SMARCC1: variants seen among roughly 807,000 people sequenced by gnomAD.
SMARCC1 encodes the protein SWI/SNF related BAF chromatin remodeling complex subunit C1, also known as SWI/SNF complex subunit SMARCC1.
A neutral mutation model predicts 147.4 loss-of-function variants in SMARCC1; 43 were observed. The ratio of observed to expected loss-of-function variants is 0.29; its 90% CI spans 0.23 to 0.38. The LOEUF is 0.38. SMARCC1 is among the 10% of genes least tolerant of loss of function. The pLI is 1.00. For synonymous variants in SMARCC1, 495 were observed against 484.4 expected (o/e 1.02, Z -0.29); for missense variants, 1,119 against 1,381.1 (o/e 0.81, Z 3.01).
intron 24 of SMARCC1, among the ~76,000 whole-genome samples, chr3:47,634,567 AC>A (rs1372674513): frequency 6.6e-6 from 1 of 152,242 alleles, no homozygotes; most frequent in Non-Finnish European, 1.5e-5. Flanking sequence ...AGAATGAAGA[AC>A]AGGGGAAAAG....
chr3:47,723,383 C>CA (rs2034258940), intron 6 of SMARCC1, among the ~76,000 whole-genome samples: 1 of 99,512 alleles, frequency 1.0e-5, no homozygotes, highest in Admixed American at 1.5e-4. Flanking sequence ...TTTTTTGAGA[C>CA]AGAGTCTCAC....
intron 16 of SMARCC1, among the ~76,000 whole-genome samples, chr3:47,677,278 T>C (rs1485353672): frequency 6.6e-6 from 1 of 152,036 alleles, no homozygotes; most frequent in African/African-American, 2.4e-5. Flanking sequence ...TTTTTGTATT[T>C]TTAGTAGAAA....
intron 19 of SMARCC1, chr3:47,663,701 A>G: frequency 6.7e-7 from 1 of 1,490,002 alleles, no homozygotes. Flanking sequence ...CACTGTTTAC[A>G]GGAATCCAGA....
intron 5 of SMARCC1, among the ~76,000 whole-genome samples, chr3:47,731,286 G>A (rs574939460): frequency 5.9e-5 from 9 of 152,234 alleles, no homozygotes; most frequent in Admixed American, 6.5e-5. Flanking sequence ...ATGAGATCGC[G>A]GCAATTCAGT....
chr3:47,691,379 C>T (rs370475135), intron 12 of SMARCC1, among the ~76,000 whole-genome samples: 1 of 151,034 alleles, frequency 6.6e-6, no homozygotes, highest in East Asian at 2.0e-4. Flanking sequence ...TCTGGGAGGC[C>T]GAGGTGGGTG....
intron 6 of SMARCC1, 43 bp downstream of exon 6, chr3:47,728,982 A>G: frequency 8.3e-7 from 1 of 1,199,922 alleles, no homozygotes; most frequent in Non-Finnish European, 1.2e-6. Context: ...TCCATTTGGT[A>G]TGATGTATGA....
At chr3:47,612,789 C>A (rs2032581820) in intron 25 of SMARCC1, among the ~76,000 whole-genome samples, 1 of 152,002 alleles carries the variant, frequency 6.6e-6, no homozygotes, top group Admixed American at 6.6e-5. Context: ...CATACATAAA[C>A]CTGAAAGAGA....
chr3:47,752,895 T>G (rs1018386968), intron 2 of SMARCC1, among the ~76,000 whole-genome samples: 1 of 152,200 alleles, frequency 6.6e-6, no homozygotes, highest in Non-Finnish European at 1.5e-5. Context: ...AGGCTGCCTC[T>G]ACTCTCAACT....
intron 16 of SMARCC1, among the ~76,000 whole-genome samples, chr3:47,677,317 T>C (rs926571490): frequency 9.3e-5 from 14 of 151,296 alleles, no homozygotes; most frequent in African/African-American, 3.4e-4. Flanking sequence ...GCCAGACTGG[T>C]CTCGAACTCC....
intron 14 of SMARCC1, among the ~76,000 whole-genome samples, chr3:47,681,612 G>C (rs1429526294): frequency 6.6e-6 from 1 of 152,084 alleles, no homozygotes; most frequent in Non-Finnish European, 1.5e-5. Flanking sequence ...TTAAGTAGTG[G>C]TTGCACGGCA....
Position 47,643,008 on chromosome 3 carries a change from T to C in SMARCC1, c.2321-4228A>G, listed in dbSNP as rs556821929. 5.9e-5 allele frequency among the ~76,000 whole-genome samples: 9 copies of C among 152,288 alleles called. No homozygotes were observed. The South Asian group carries it at 1.9e-3, about 32-fold the overall frequency. On this transcript the variant is annotated intron_variant, in intron 21 of 27. Coordinates refer to ENST00000254480, the MANE Select transcript of SMARCC1 (RefSeq NM_003074.4). The stretch of plus-strand genomic sequence containing the variant: ...CTGCAGAGAGCTTTGATCACACCAC[T>C]GTACTTCAGTTTAGGTGGCAGAGCG...
At chr3:47,753,410 T>C (rs879811859) in intron 2 of SMARCC1, among the ~76,000 whole-genome samples, 6 of 151,344 alleles carry the variant, frequency 4.0e-5, no homozygotes, top group Non-Finnish European at 5.9e-5. Flanking sequence ...TATTCCTTTA[T>C]TTATTCATAA....
At chr3:47,664,571 T>C (rs1188088972) in intron 19 of SMARCC1, among the ~76,000 whole-genome samples, 5 of 151,802 alleles carry the variant, frequency 3.3e-5, no homozygotes, top group African/African-American at 1.2e-4. Flanking sequence ...GATAGAACAG[T>C]AGAAAGAAAA....
intron 2 of SMARCC1, among the ~76,000 whole-genome samples, chr3:47,756,674 T>A (rs2034702416): frequency 6.6e-6 from 1 of 152,202 alleles, no homozygotes; most frequent in African/African-American, 2.4e-5. Context: ...CCACTCTTGT[T>A]TTTGTAAAGT....
intron 3 of SMARCC1, among the ~76,000 whole-genome samples, chr3:47,745,189 G>T (rs2034551881): frequency 1.3e-5 from 2 of 152,060 alleles, no homozygotes; most frequent in African/African-American, 4.8e-5. Context: ...AGAATCACTG[G>T]AAGGTTGCAG....
rs138064348 is a variant in SMARCC1, at chr3:47,631,768, T to C, written c.2646+3422A>G. Among the ~76,000 whole-genome samples, 942 of 152,306 alleles carry C rather than the reference T, an allele frequency of 6.2e-3. 6 individuals carry two copies. Among genetic ancestry groups the C allele is most frequent in the Middle Eastern group, 0.01 (3 of 294 alleles). On this transcript the variant is annotated intron_variant, in intron 24 of 27. Transcript: ENST00000254480. Reference sequence around the variant, plus strand: ...AAACTTTTAATAACAAAGCTGTTTATAGACACAGAAGAAAATGAGAATAAG... The same window carrying C: ...AAACTTTTAATAACAAAGCTGTTTACAGACACAGAAGAAAATGAGAATAAG...
chr3:47,595,137 A>G (rs2032250879), intron 26 of SMARCC1, among the ~76,000 whole-genome samples: 1 of 152,210 alleles, frequency 6.6e-6, no homozygotes, highest in Non-Finnish European at 1.5e-5. Context: ...TGGATGGACC[A>G]CACAGCCTGA....
At chr3:47,772,735 G>T in intron 2 of SMARCC1, 82 bp downstream of exon 2, 1 of 1,241,240 alleles carries the variant, frequency 8.1e-7, no homozygotes, top group Non-Finnish European at 1.1e-6. Flanking sequence ...GCTAGCAGCA[G>T]CAAAGGAAAA....
At chr3:47,629,606 G>A (rs1667615208) in intron 24 of SMARCC1, among the ~76,000 whole-genome samples, 1 of 152,106 alleles carries the variant, frequency 6.6e-6, no homozygotes, top group South Asian at 2.1e-4. Flanking sequence ...AAAGTTCTAA[G>A]CTTTGTAAAA....
Sources: allele counts gnomAD v4.1 joint callset (sites outside exome capture counted in the v4.1 genomes callset), GRCh38; gene constraint gnomAD v4.1.1; transcripts MANE v1.5; gene names NCBI Gene and HGNC (gene_info 2026-07-23, HGNC 2026-07-21).